Variants in ZNF407 observed in about 807,000 individuals in gnomAD.
The protein encoded by ZNF407 is zinc finger protein 407.
ZNF407 carries 17 observed loss-of-function variants against 131.2 expected under a neutral mutation model. The ratio of observed to expected loss-of-function variants is 0.13; its 90% CI spans 0.09 to 0.19. ZNF407 has a LOEUF of 0.19. Among genes scored for constraint, ZNF407 ranks in the 10% least tolerant of loss-of-function variants. The probability of loss-of-function intolerance (pLI) is 1.00; values close to 1 mark genes in which losing one functional copy is unlikely to be tolerated. For missense variants in ZNF407, 2,681 were observed against 2,830.6 expected (o/e 0.95, Z 1.20); for synonymous variants, 1,156 against 1,062.0 (o/e 1.09, Z -1.72).
At chr18:74,610,409 C>T (rs1983003931) in intron 1 of ZNF407, among the ~76,000 whole-genome samples, 2 of 152,132 alleles carry the variant, frequency 1.3e-5, no homozygotes, top group South Asian at 4.1e-4. Flanking sequence ...CTCTCTTGTG[C>T]GTGCATGCGT....
At chr18:74,774,708 TGAA>T (rs1488838257) in intron 3 of ZNF407, among the ~76,000 whole-genome samples, 5 of 152,186 alleles carry the variant, frequency 3.3e-5, no homozygotes, top group African/African-American at 4.8e-5. Context: ...TGAAAGGAGA[TGAA>T]GGAGACGTGA....
At chr18:74,746,673 A>G (rs1197873085) in intron 3 of ZNF407, among the ~76,000 whole-genome samples, 1 of 152,062 alleles carries the variant, frequency 6.6e-6, no homozygotes, top group Non-Finnish European at 1.5e-5. Flanking sequence ...ATCTTGTCTC[A>G]GTGGAAGGTC....
intron 6 of ZNF407, among the ~76,000 whole-genome samples, chr18:74,888,338 TA>T (rs1200436108): frequency 2.0e-5 from 3 of 152,058 alleles, no homozygotes; most frequent in African/African-American, 7.2e-5. Context: ...CTGGTAGCCA[TA>T]TTTAAAAAAA....
intron 3 of ZNF407, among the ~76,000 whole-genome samples, chr18:74,724,225 G>T (rs546763476): frequency 3.9e-5 from 6 of 151,980 alleles, no homozygotes; most frequent in Admixed American, 3.9e-4. Flanking sequence ...TGTAATAATT[G>T]TACATATTTG....
At chr18:74,852,377 A>G (rs1440655851) in intron 4 of ZNF407, among the ~76,000 whole-genome samples, 1 of 152,206 alleles carries the variant, frequency 6.6e-6, no homozygotes, top group Non-Finnish European at 1.5e-5. Context: ...GAACTGTGAC[A>G]CATGTCAAAT....
intron 8 of ZNF407, among the ~76,000 whole-genome samples, chr18:75,055,132 C>T (rs1045334081): frequency 5.9e-5 from 9 of 152,212 alleles, no homozygotes; most frequent in Non-Finnish European, 1.2e-4. Flanking sequence ...CACTCCTCCC[C>T]GTGCTTTATT....
At chr18:74,740,010 T>C (rs760984731) in intron 3 of ZNF407, among the ~76,000 whole-genome samples, 3 of 152,248 alleles carry the variant, frequency 2.0e-5, no homozygotes, top group Non-Finnish European at 4.4e-5. Flanking sequence ...ATTAATTTCC[T>C]CTGGCTTCTG....
At position 74,974,368 on chromosome 18, in the gene ZNF407, T is replaced by C. The variant is rs541803035; in HGVS notation, c.5428+53676T>C. ...ATCTTAATACCCATATAAACCTTAG[T>C]ATAAAGAGTTAAAAGAAATAACAGG... On this transcript the variant is annotated intron_variant, in intron 8 of 8. Transcript: ENST00000299687. 1.3e-5 allele frequency among the ~76,000 whole-genome samples: 2 copies of C among 152,286 alleles called. 1 individual carries two copies. The highest frequency in any genetic ancestry group is 4.1e-4 in the South Asian group (2 of 4,828).
intron 5 of ZNF407, among the ~76,000 whole-genome samples, chr18:74,879,899 T>A (rs1311589638): frequency 6.6e-6 from 1 of 152,202 alleles, no homozygotes; most frequent in East Asian, 1.9e-4. Flanking sequence ...TATGTACTAT[T>A]TATTAGAACC....
intron 8 of ZNF407, among the ~76,000 whole-genome samples, chr18:74,938,036 T>A (rs1463158118): frequency 6.6e-6 from 1 of 152,234 alleles, no homozygotes; most frequent in Middle Eastern, 3.2e-3. Context: ...TTGTGTTTCA[T>A]GAATAGATTG....
At chr18:74,724,223 T>C (rs117777865) in intron 3 of ZNF407, among the ~76,000 whole-genome samples, 17 of 152,342 alleles carry the variant, frequency 1.1e-4, no homozygotes, top group Non-Finnish European at 1.9e-4. Flanking sequence ...GATGTAATAA[T>C]TGTACATATT....
At chr18:74,958,115 C>T (rs973217479) in intron 8 of ZNF407, among the ~76,000 whole-genome samples, 4 of 152,148 alleles carry the variant, frequency 2.6e-5, no homozygotes, top group Non-Finnish European at 4.4e-5. Flanking sequence ...TCTTCACCTA[C>T]GAGACTCTGG....
At chr18:74,676,713 C>A (rs12966238) in intron 3 of ZNF407, among the ~76,000 whole-genome samples, 94 of 151,962 alleles carry the variant, frequency 6.2e-4, no homozygotes, top group South Asian at 2.1e-4. Context: ...GGATTACAGA[C>A]GTGAGCCACT....
chr18:74,851,665 G>T (rs1408024610), intron 4 of ZNF407, among the ~76,000 whole-genome samples: 1 of 152,096 alleles, frequency 6.6e-6, no homozygotes, highest in Admixed American at 6.5e-5. Context: ...TGTTATATTT[G>T]GGAAATTCTT....
At chr18:74,689,618 G>A (rs1279613866) in intron 3 of ZNF407, among the ~76,000 whole-genome samples, 3 of 152,188 alleles carry the variant, frequency 2.0e-5, no homozygotes, top group Non-Finnish European at 4.4e-5. Flanking sequence ...AAATCTCTAA[G>A]CAGTGTTGCC....
chr18:75,051,640 A>G (rs1973502180), intron 8 of ZNF407, among the ~76,000 whole-genome samples: 1 of 152,172 alleles, frequency 6.6e-6, no homozygotes, highest in Non-Finnish European at 1.5e-5. Context: ...GAATCTCTGA[A>G]CCTTGGAGGT....
At chr18:74,966,026 AAGAG>A (rs1224322146) in intron 8 of ZNF407, among the ~76,000 whole-genome samples, 1 of 152,086 alleles carries the variant, frequency 6.6e-6, no homozygotes, top group Non-Finnish European at 1.5e-5. Flanking sequence ...TTTTTTCCTT[AAGAG>A]TTGTTTGAGC....
intron 3 of ZNF407, among the ~76,000 whole-genome samples, chr18:74,779,850 G>T (rs970603782): frequency 1.3e-5 from 2 of 151,628 alleles, no homozygotes; most frequent in African/African-American, 2.4e-5. Flanking sequence ...TTGCAGCTTT[G>T]GGTTTTTAAC....
chr18:74,971,115 C>A (rs988450667), intron 8 of ZNF407, among the ~76,000 whole-genome samples: 1 of 152,178 alleles, frequency 6.6e-6, no homozygotes, highest in Non-Finnish European at 1.5e-5. Flanking sequence ...CACAGGGCAC[C>A]AAGTCCCTAG....
Sources: allele counts gnomAD v4.1 joint callset (sites outside exome capture counted in the v4.1 genomes callset), GRCh38; gene constraint gnomAD v4.1.1; transcripts MANE v1.5; gene names NCBI Gene and HGNC (gene_info 2026-07-23, HGNC 2026-07-21).